Variants in SLC22A4 observed in about 807,000 individuals in gnomAD.
SLC22A4 encodes solute carrier family 22 member 4.
In SLC22A4, 39 loss-of-function variants were observed where a neutral mutation model predicts 56.6. The ratio of observed to expected loss-of-function variants is 0.69; its 90% CI spans 0.53 to 0.90. The LOEUF is 0.90. Ranked by LOEUF, SLC22A4 falls within the 40% of genes least tolerant of loss-of-function variation. The probability of loss-of-function intolerance (pLI) is 0.00; values close to 1 mark genes in which losing one functional copy is unlikely to be tolerated. For missense variants in SLC22A4, 594 were observed against 696.5 expected (o/e 0.85, Z 1.66); for synonymous variants, 241 against 281.4 (o/e 0.86, Z 1.44).
intron 8 of SLC22A4, among the ~76,000 whole-genome samples, chr5:132,336,965 G>A (rs954427560): frequency 1.3e-5 from 2 of 152,100 alleles, no homozygotes; most frequent in Non-Finnish European, 2.9e-5. Context: ...CTTTTATACT[G>A]AAACACATAA....
At chr5:132,343,719 C>T in intron 9 of SLC22A4, 41 bp from the exon 10 acceptor site, 1 of 1,263,414 alleles carries the variant, frequency 7.9e-7, no homozygotes, top group Non-Finnish European at 1.2e-6. Context: ...GGAGGAAAGT[C>T]TTGAATATTT....
intron 5 of SLC22A4, among the ~76,000 whole-genome samples, chr5:132,328,916 TATATATATATATATACACAC>T (rs143378981): frequency 1.0e-4 from 7 of 68,706 alleles, no homozygotes; most frequent in Middle Eastern, 5.6e-3. Context: ...TATATATATA[TATATATATATATATACACAC>T]ACACACTTTA....
chr5:132,303,898 C>T (rs987155303), intron 1 of SLC22A4, among the ~76,000 whole-genome samples: 5 of 152,136 alleles, frequency 3.3e-5, no homozygotes, highest in Non-Finnish European at 7.3e-5. Flanking sequence ...AGAGATAATC[C>T]AAAAGAACAG....
At chr5:132,296,075 C>A (rs1021611060) in intron 1 of SLC22A4, among the ~76,000 whole-genome samples, 1 of 152,184 alleles carries the variant, frequency 6.6e-6, no homozygotes, top group African/African-American at 2.4e-5. Context: ...GTTCTGGAAC[C>A]CAAATTCAAG....
At chr5:132,339,746 A>G (rs1447373964) in intron 8 of SLC22A4, among the ~76,000 whole-genome samples, 1 of 152,058 alleles carries the variant, frequency 6.6e-6, no homozygotes, top group Non-Finnish European at 1.5e-5. Flanking sequence ...AGAGTCTCCT[A>G]CTCCACACAG....
chr5:132,340,612 G>A lies in SLC22A4; in HGVS notation c.1492G>A (p.Val498Ile), dbSNP rs765906886. ...CTACATCGTCATGGGTAGTCTGACTGTCCTGATTGGAATCCTCACCCTTTT... is the reference window on the plus strand; with the variant it reads ...CTACATCGTCATGGGTAGTCTGACTATCCTGATTGGAATCCTCACCCTTTT... The part of the protein sequence containing the change: ...LPYIVMGSLT[V>I]LIGILTLFFP... Residue 498 changes from valine (V) to isoleucine (I), a missense_variant, in exon 9 of 10, where the codon GTC becomes ATC. Transcript: ENST00000200652. 47 of 1,613,744 alleles carry A rather than the reference G, an allele frequency of 2.9e-5. No individual in the cohort carries two copies. In the South Asian group the frequency reaches 4.9e-4, roughly 17 times the overall value.
chr5:132,328,926 TATATAC>T (rs1750773888), intron 5 of SLC22A4, among the ~76,000 whole-genome samples: 1 of 22,136 alleles, frequency 4.5e-5, no homozygotes, highest in African/African-American at 3.6e-4. Flanking sequence ...TATATATATA[TATATAC>T]ACACACACAC....
chr5:132,307,761 C>T (rs1400276766), intron 1 of SLC22A4, among the ~76,000 whole-genome samples: 2 of 152,124 alleles, frequency 1.3e-5, no homozygotes, highest in Admixed American at 6.6e-5. Context: ...TTGCAGACCC[C>T]GAGAAAGCCT....
At chr5:132,318,420 G>T (rs774653752) in intron 3 of SLC22A4, among the ~76,000 whole-genome samples, 1 of 152,126 alleles carries the variant, frequency 6.6e-6, no homozygotes, top group African/African-American at 2.4e-5. Flanking sequence ...AGGAACCCAG[G>T]TTCTCCCCGT....
chr5:132,340,843 C>T, intron 9 of SLC22A4, 143 bp downstream of exon 9: 1 of 886,464 alleles, frequency 1.1e-6, no homozygotes, highest in Non-Finnish European at 1.8e-6. Context: ...TGGCTGGGCA[C>T]AGTGGCTCAC....
chr5:132,310,411 C>T (rs1036227961), intron 1 of SLC22A4, among the ~76,000 whole-genome samples: 15 of 152,210 alleles, frequency 9.9e-5, no homozygotes, highest in Admixed American at 6.5e-4. Context: ...TGCAGGCACA[C>T]GTCCTGTTTA....
At chr5:132,301,600 G>A (rs1041698765) in intron 1 of SLC22A4, among the ~76,000 whole-genome samples, 5 of 152,326 alleles carry the variant, frequency 3.3e-5, no homozygotes, top group South Asian at 2.1e-4. Context: ...ACCCAGAGGC[G>A]AGCCAGGTTA....
chr5:132,335,469 G>A (rs763788337), intron 7 of SLC22A4, among the ~76,000 whole-genome samples: 4 of 152,150 alleles, frequency 2.6e-5, no homozygotes, highest in Non-Finnish European at 5.9e-5. Flanking sequence ...ATAAGAAAGA[G>A]GATAGAAAGG....
chr5:132,340,916 G>T (rs1751198619), intron 9 of SLC22A4, among the ~76,000 whole-genome samples: 1 of 151,868 alleles, frequency 6.6e-6, no homozygotes. Flanking sequence ...AGGAATTTGA[G>T]ACCAGCCTGG....
chr5:132,303,438 TCCTC>T (rs765793246), intron 1 of SLC22A4, among the ~76,000 whole-genome samples: 70 of 152,082 alleles, frequency 4.6e-4, no homozygotes, highest in Middle Eastern at 3.4e-3. Flanking sequence ...CCCTTCCCCT[TCCTC>T]CCAGCACAAG....
At chr5:132,323,580 G>A (rs1415617635) in intron 4 of SLC22A4, among the ~76,000 whole-genome samples, 1 of 152,202 alleles carries the variant, frequency 6.6e-6, no homozygotes, top group Non-Finnish European at 1.5e-5. Context: ...TCTGAGGACC[G>A]GGAAACCCGG....
chr5:132,322,449 A>T, intron 4 of SLC22A4, 94 bp downstream of exon 4: 1 of 1,311,418 alleles, frequency 7.6e-7, no homozygotes, highest in Non-Finnish European at 1.1e-6. Flanking sequence ...CTGGGCTTGC[A>T]TGACCTCCAC....
rs1751185596 is a variant in SLC22A4, at chr5:132,340,602, T to G, written c.1482T>G (p.Gly494=). Residue 494 remains glycine (G), a synonymous_variant, in exon 9 of 10, where the codon GGT becomes GGG. Coordinates refer to ENST00000200652, the MANE Select transcript of SLC22A4 (RefSeq NM_003059.3). ...YNRMLPYIVM[G]SLTVLIGILT... ...GAATGCTGCCCTACATCGTCATGGG[T>G]AGTCTGACTGTCCTGATTGGAATCC... is the stretch of plus-strand genomic sequence containing the variant. 6.2e-7 allele frequency: 1 copy of G among 1,613,712 alleles called. No individual in the cohort carries two copies. Among genetic ancestry groups the G allele is most frequent in the Admixed American group, 1.7e-5 (1 of 59,990 alleles).
intron 1 of SLC22A4, among the ~76,000 whole-genome samples, chr5:132,310,192 G>A (rs1430096137): frequency 6.6e-6 from 1 of 152,200 alleles, no homozygotes; most frequent in Admixed American, 6.5e-5. Context: ...TGGGTTCTGA[G>A]GCCCAAGTAG....
Sources: gnomAD v4.1 joint callset for allele counts (sites outside exome capture counted in the v4.1 genomes callset) on GRCh38, gnomAD v4.1.1 for gene constraint, MANE v1.5 for transcripts, NCBI Gene and HGNC (gene_info 2026-07-23, HGNC 2026-07-21) for gene names.